ODAD1: variants seen among roughly 807,000 people sequenced by gnomAD.
ODAD1 encodes outer dynein arm docking complex subunit 1.
A neutral mutation model predicts 67.2 loss-of-function variants in ODAD1; 49 were observed. That is an observed-to-expected ratio of 0.73 (90% CI 0.58 to 0.92). The LOEUF (loss-of-function observed/expected upper bound fraction) is 0.92. Ranked by LOEUF, ODAD1 falls within the 40% of genes least tolerant of loss-of-function variation. The probability of loss-of-function intolerance (pLI) is 0.00; values close to 1 mark genes in which losing one functional copy is unlikely to be tolerated. For synonymous variants in ODAD1, 345 were observed against 393.7 expected (o/e 0.88, Z 1.46); for missense variants, 897 against 953.7 (o/e 0.94, Z 0.78).
Position 48,318,387 on chromosome 19 carries a change from C to T in ODAD1, c.360G>A (p.Gln120=). ...CGTAGAACCACCTCTCAAACCCCAC[C>T]TGCTTGTCCAGGGCCCTGGTCTGCT... is the stretch of plus-strand genomic sequence containing the variant. ...LQEQTRALDK[Q]IQEWETRIFT... is the part of the protein sequence containing the mutation. Residue 120 remains glutamine, a splice_region_variant and synonymous_variant, in exon 5 of 16, where the codon CAG becomes CAA. Transcript: ENST00000674294. 1 of 1,550,816 alleles carries T rather than the reference C, an allele frequency of 6.4e-7. No homozygotes were observed. Among genetic ancestry groups the T allele is most frequent in the South Asian group, 1.2e-5 (1 of 84,038 alleles).
chr19:48,306,599 G>C (rs1004133745), intron 7 of ODAD1, among the ~76,000 whole-genome samples: 1 of 152,190 alleles, frequency 6.6e-6, no homozygotes, highest in African/African-American at 2.4e-5. Flanking sequence ...GGAGGAGATG[G>C]AGAGGAAATG....
rs1969037839 is a variant in ODAD1, at chr19:48,321,931, A to C, written c.-317T>G. On this transcript the variant is annotated 5_prime_UTR_variant, in exon 1 of 16. Coordinates refer to ENST00000674294, the MANE Select transcript of ODAD1 (RefSeq NM_001364171.2). ...CAACGGCTTCCCGGGAAGCAGCCAA[A>C]AACGCTTGGCCGCCTACCACGTCCG... The C allele has an allele frequency of 2.5e-6, 1 of 395,864 alleles. No individual in the cohort carries two copies. The highest frequency in any genetic ancestry group is 1.3e-4 in the South Asian group (1 of 7,770). 24.5% of individuals were successfully genotyped at this position (395,864 alleles called of 1,614,324 possible).
intron 5 of ODAD1, among the ~76,000 whole-genome samples, chr19:48,318,021 C>T (rs988191902): frequency 6.6e-5 from 10 of 151,744 alleles, no homozygotes; most frequent in African/African-American, 1.7e-4. Context: ...TGCAGTGAGC[C>T]GAGATTGTGC....
chr19:48,306,410 A>G, intron 7 of ODAD1, 87 bp from the exon 8 acceptor site: 1 of 1,139,142 alleles, frequency 8.8e-7, no homozygotes, highest in Non-Finnish European at 1.3e-6. Context: ...CTTCTCCAAT[A>G]AGGAGTAAAG....
chr19:48,303,253 G>T, intron 10 of ODAD1, 158 bp from the exon 11 acceptor site: 1 of 664,986 alleles, frequency 1.5e-6, no homozygotes, highest in South Asian at 1.7e-5. Flanking sequence ...AGGAGTCACA[G>T]AGACAAAGAG....
intron 14 of ODAD1, 122 bp downstream of exon 14, chr19:48,297,877 AC>A: frequency 4.8e-6 from 4 of 839,536 alleles, no homozygotes; most frequent in Non-Finnish European, 7.2e-6. Flanking sequence ...TCATATTCTA[AC>A]CCCCCAGGGC....
intron 7 of ODAD1, among the ~76,000 whole-genome samples, chr19:48,308,535 T>G (rs1968677436): frequency 6.6e-6 from 1 of 152,182 alleles, no homozygotes; most frequent in East Asian, 1.9e-4. Flanking sequence ...GACAGAGTCT[T>G]TTAAATTACC....
chr19:48,304,188 C>A, intron 8 of ODAD1, 48 bp from the exon 9 acceptor site: 1 of 1,521,382 alleles, frequency 6.6e-7, no homozygotes, highest in South Asian at 1.2e-5. Context: ...GGACTGGGGT[C>A]GGCCTGGGGT....
intron 5 of ODAD1, among the ~76,000 whole-genome samples, chr19:48,317,741 C>G (rs923288155): frequency 6.6e-6 from 1 of 150,690 alleles, no homozygotes; most frequent in Non-Finnish European, 1.5e-5. Context: ...TGCAGCGGCG[C>G]GATCTTGGCT....
chr19:48,302,656 G>A lies in ODAD1; in HGVS notation c.1240+38C>T, dbSNP rs1306885725. ...GGCTGATGGTGTCCTTCCAAGTGGA[G>A]AAGCCAGGCTCGGGAGGGGGCGCCC... On this transcript the variant is annotated intron_variant, in intron 12 of 15. Transcript: ENST00000674294. The A allele has an allele frequency of 3.8e-6, 6 of 1,568,872 alleles. 1 individual carries two copies. Among genetic ancestry groups the A allele is most frequent in the East Asian group, 4.5e-5 (2 of 44,536 alleles).
At chr19:48,307,434 T>C (rs1940234669) in intron 7 of ODAD1, among the ~76,000 whole-genome samples, 1 of 150,158 alleles carries the variant, frequency 6.7e-6, no homozygotes, top group South Asian at 2.3e-4. Flanking sequence ...CTACAAAACA[T>C]AAATAGAATT....
intron 7 of ODAD1, among the ~76,000 whole-genome samples, chr19:48,309,206 T>C (rs1968696512): frequency 6.6e-6 from 1 of 152,108 alleles, no homozygotes; most frequent in Admixed American, 6.5e-5. Context: ...GTGCCATGAA[T>C]GGCAGCAGGA....
rs892715032 is a variant in ODAD1 at position 48,302,551 on chromosome 19, T to C, written c.1240+143A>G. ...ATGGGACAGTTGGAGGGATAGACCC[T>C]GGTTGGAAAGATGGACAGATATGGG... On this transcript the variant is annotated intron_variant, in intron 12 of 15. Coordinates refer to ENST00000674294, the MANE Select transcript of ODAD1 (RefSeq NM_001364171.2). 2.6e-5 allele frequency: 17 copies of C among 642,156 alleles called. 1 individual carries two copies. The highest frequency in any genetic ancestry group is 4.2e-4 in the Middle Eastern group (1 of 2,358). 39.8% of individuals were successfully genotyped at this position (642,156 alleles called of 1,614,324 possible).
chr19:48,301,180 A>G (rs1804189327), intron 12 of ODAD1: 1 of 152,260 alleles, frequency 6.6e-6, no homozygotes, highest in South Asian at 2.1e-4. Flanking sequence ...AAAGGTGTGG[A>G]TCATCGGGGA....
chr19:48,310,741 T>A (rs1215277779), intron 7 of ODAD1, among the ~76,000 whole-genome samples: 1 of 152,222 alleles, frequency 6.6e-6, no homozygotes, highest in Non-Finnish European at 1.5e-5. Flanking sequence ...GAGTTCTTTG[T>A]ATAATTCTTG....
At position 48,318,397 on chromosome 19, in the gene ODAD1, AG is replaced by A; in HGVS notation, c.349del (p.Leu117TrpfsTer39). On this transcript the variant is annotated frameshift_variant, in exon 5 of 16. Coordinates refer to ENST00000674294, the MANE Select transcript of ODAD1 (RefSeq NM_001364171.2). LOFTEE classifies it high-confidence loss of function. ...IEELQEQTRA[L>X]DKQIQEWETR... Reference sequence around the variant, plus strand: ...CCTCTCAAACCCCACCTGCTTGTCCAGGGCCCTGGTCTGCTCCTGCAGCTCC... The same window carrying A: ...CCTCTCAAACCCCACCTGCTTGTCCAGGCCCTGGTCTGCTCCTGCAGCTCC... 1 of 1,551,188 alleles carries A rather than the reference AG, an allele frequency of 6.4e-7. No individual in the cohort carries two copies. Among genetic ancestry groups the A allele is most frequent in the South Asian group, 1.2e-5 (1 of 84,036 alleles).
rs921030123 is a variant in ODAD1 at position 48,304,607 on chromosome 19, G to A, written c.666-467C>T. 6.7e-4 allele frequency among the ~76,000 whole-genome samples: 56 copies of A among 84,030 alleles called. 1 individual carries two copies. The highest frequency in any genetic ancestry group is 9.1e-4 in the Non-Finnish European group (38 of 41,960). 55.1% of individuals were successfully genotyped at this position (84,030 alleles called of 152,430 possible). On this transcript the variant is annotated intron_variant, in intron 8 of 15. Coordinates refer to ENST00000674294, the MANE Select transcript of ODAD1 (RefSeq NM_001364171.2). ...GCACTCCAGCCTGGGTGGCAAGAGCGAAACTGTCTCAAAAAAAAAAAAAAG... is the reference window on the plus strand; with the variant it reads ...GCACTCCAGCCTGGGTGGCAAGAGCAAAACTGTCTCAAAAAAAAAAAAAAG...
rs775003835 is a variant in ODAD1, at chr19:48,297,188, AG to A, written c.1911del (p.Phe638SerfsTer146). On this transcript the variant is annotated frameshift_variant, in exon 16 of 16. Coordinates refer to ENST00000674294, the MANE Select transcript of ODAD1 (RefSeq NM_001364171.2). LOFTEE classifies it low-confidence loss of function (END_TRUNC). The stretch of plus-strand genomic sequence containing the variant: ...TAGCTGCTGGCGCTGACGGGTCTGA[AG>A]GTCACGTGGCCCCCACTCGAGGCAC... ...STSASSGGHV[T>X]FRPVSASSYL... 48 of 1,614,014 alleles carry A rather than the reference AG, an allele frequency of 3.0e-5. No individual in the cohort carries two copies. The highest frequency in any genetic ancestry group is 4.1e-5 in the Non-Finnish European group (48 of 1,180,018).
chr19:48,312,577 C>T (rs1192406254), intron 5 of ODAD1, among the ~76,000 whole-genome samples: 1 of 151,936 alleles, frequency 6.6e-6, no homozygotes, highest in Non-Finnish European at 1.5e-5. Context: ...CCACCACACC[C>T]AGCTAATTTT....
Sources: gnomAD v4.1 joint callset for allele counts (sites outside exome capture counted in the v4.1 genomes callset) on GRCh38, gnomAD v4.1.1 for gene constraint, MANE v1.5 for transcripts, NCBI Gene and HGNC (gene_info 2026-07-23, HGNC 2026-07-21) for gene names.